GRID1: variants seen among roughly 807,000 people sequenced by gnomAD.
The protein encoded by GRID1 is glutamate receptor ionotropic, delta-1.
In GRID1, 28 loss-of-function variants were observed where a neutral mutation model predicts 98.0. That is an observed-to-expected ratio of 0.29 (90% CI 0.21 to 0.39). GRID1 has a LOEUF of 0.39. GRID1 is among the 10% of genes least tolerant of loss of function. The pLI is 1.00. For missense variants in GRID1, 1,111 were observed against 1,340.5 expected (o/e 0.83, Z 2.67); for synonymous variants, 553 against 538.5 (o/e 1.03, Z -0.37).
intron 8 of GRID1, among the ~76,000 whole-genome samples, chr10:85,839,963 A>G (rs1842946974): frequency 6.6e-6 from 1 of 152,178 alleles, no homozygotes; most frequent in Non-Finnish European, 1.5e-5. Context: ...ACCATCAGAG[A>G]ATATTATGAA....
intron 2 of GRID1, among the ~76,000 whole-genome samples, chr10:86,257,096 G>A (rs191349755): frequency 1.3e-5 from 2 of 152,188 alleles, no homozygotes; most frequent in South Asian, 2.1e-4. Flanking sequence ...TTTGGAATAC[G>A]TGATCTGTTT....
At position 85,856,024 on chromosome 10, in the gene GRID1, C is replaced by T. The variant is rs769713722; in HGVS notation, c.1113+5G>A. 8.7e-6 allele frequency: 14 copies of T among 1,613,080 alleles called. No homozygotes were observed. Among genetic ancestry groups the T allele is most frequent in the East Asian group, 2.2e-5 (1 of 44,884 alleles). On this transcript the variant is annotated splice_donor_5th_base_variant and intron_variant, in intron 7 of 15. Coordinates refer to ENST00000327946, the MANE Select transcript of GRID1 (RefSeq NM_017551.3). ...GCCAGGTTGGGGGTGCCCCCTCACA[C>T]GTACCTTTTTGATGGTATCCAGCAT...
chr10:85,765,647 T>C (rs1230511793), intron 8 of GRID1, among the ~76,000 whole-genome samples: 1 of 152,206 alleles, frequency 6.6e-6, no homozygotes, highest in Non-Finnish European at 1.5e-5. Context: ...ATGAATCTCA[T>C]GTTTAGACTT....
chr10:86,103,704 GT>G (rs1328555814), intron 4 of GRID1, among the ~76,000 whole-genome samples: 1 of 152,222 alleles, frequency 6.6e-6, no homozygotes, highest in Non-Finnish European at 1.5e-5. Flanking sequence ...GTTTGCCACA[GT>G]GGGGGGCCCT....
At chr10:85,720,604 T>C (rs1841689131) in intron 12 of GRID1, among the ~76,000 whole-genome samples, 1 of 148,636 alleles carries the variant, frequency 6.7e-6, no homozygotes, top group Non-Finnish European at 1.5e-5. Flanking sequence ...ATTAAAGCTA[T>C]TGGGCATCCA....
At position 86,248,456 on chromosome 10, in the gene GRID1, A is replaced by C. The variant is rs12220457; in HGVS notation, c.236-41808T>G. Among the ~76,000 whole-genome samples the C allele has an allele frequency of 1.8e-4, 27 of 152,332 alleles. No homozygotes were observed. The East Asian group carries it at 4.2e-3, about 24-fold the overall frequency. On this transcript the variant is annotated intron_variant, in intron 2 of 15. Transcript: ENST00000327946. ...ACAAAAAATAACTATGAGCTTCAGAATCAGCAGACTTGAAAGTTTTCTTTC... is the reference window on the plus strand; with the variant it reads ...ACAAAAAATAACTATGAGCTTCAGACTCAGCAGACTTGAAAGTTTTCTTTC...
intron 12 of GRID1, among the ~76,000 whole-genome samples, chr10:85,688,160 C>T (rs564412413): frequency 1.3e-4 from 20 of 152,244 alleles, no homozygotes; most frequent in African/African-American, 4.8e-4. Context: ...AGAAAGGAGA[C>T]AACTTGTGAT....
chr10:85,646,198 T>C (rs1468225156), intron 13 of GRID1: 1 of 153,086 alleles, frequency 6.5e-6, no homozygotes, highest in East Asian at 1.9e-4. Flanking sequence ...GGTGGCAGGA[T>C]GGGTCTGGGA....
chr10:86,014,373 A>T (rs1842956050), intron 4 of GRID1, among the ~76,000 whole-genome samples: 1 of 152,262 alleles, frequency 6.6e-6, no homozygotes, highest in Non-Finnish European at 1.5e-5. Context: ...ATTAATGCAT[A>T]GGCTGAGCCA....
At chr10:86,040,938 A>C (rs551249877) in intron 4 of GRID1, among the ~76,000 whole-genome samples, 3 of 152,168 alleles carry the variant, frequency 2.0e-5, no homozygotes, top group Admixed American at 6.5e-5. Context: ...TCAGCAGCCC[A>C]AGGTGGGGCT....
Position 85,634,249 on chromosome 10 carries a change from C to CCTCTCTCTCTCTCTCTCTCTCTCT in GRID1, c.2193+12929_2193+12952dup, listed in dbSNP as rs775506130. ...ATTCCTGCACAGCCCTGATGGGGCA[C>CCTCTCTCTCTCTCTCTCTCTCTCT]CTCTCTCTCTCTCTCTCTCTCTCTC... On this transcript the variant is annotated intron_variant, in intron 13 of 15. Transcript: ENST00000327946. Among the ~76,000 whole-genome samples, 260 of 92,318 alleles carry CCTCTCTCTCTCTCTCTCTCTCTCT rather than the reference C, an allele frequency of 2.8e-3. 5 individuals are homozygous for CCTCTCTCTCTCTCTCTCTCTCTCT. Among genetic ancestry groups the CCTCTCTCTCTCTCTCTCTCTCTCT allele is most frequent in the Middle Eastern group, 7.9e-3 (1 of 126 alleles). The allele number at this position is 92,318 out of a possible 152,430, so 60.6% of individuals were successfully genotyped here. A position where few individuals can be genotyped will look rare whatever the true frequency, so the allele number is the denominator to read the frequency against.
intron 2 of GRID1, among the ~76,000 whole-genome samples, chr10:86,334,793 A>G (rs1360756959): frequency 6.6e-6 from 1 of 152,132 alleles, no homozygotes; most frequent in African/African-American, 2.4e-5. Flanking sequence ...GAGGCTGAGG[A>G]TGTGGCCGGG....
At chr10:85,848,553 G>C (rs1843028009) in intron 8 of GRID1, among the ~76,000 whole-genome samples, 1 of 152,088 alleles carries the variant, frequency 6.6e-6, no homozygotes, top group Non-Finnish European at 1.5e-5. Context: ...TTACAATAAA[G>C]AGCAATTTGA....
chr10:85,659,790 T>C (rs2132568059), intron 12 of GRID1, among the ~76,000 whole-genome samples: 2 of 152,338 alleles, frequency 1.3e-5, no homozygotes, highest in Middle Eastern at 3.4e-3. Context: ...CTCTGTGCCA[T>C]GTGCTGTTAC....
chr10:85,957,415 G>C (rs904518207), intron 4 of GRID1, among the ~76,000 whole-genome samples: 5 of 152,138 alleles, frequency 3.3e-5, no homozygotes, highest in African/African-American at 4.8e-5. Context: ...CCACGAGAAA[G>C]CATTTAAGTG....
intron 12 of GRID1, among the ~76,000 whole-genome samples, chr10:85,692,614 C>T: frequency 6.7e-6 from 1 of 150,064 alleles, no homozygotes; most frequent in East Asian, 2.0e-4. Flanking sequence ...TTGCAGTGAG[C>T]CAAGATTGTG....
chr10:85,919,153 T>A (rs1230904555), intron 4 of GRID1, among the ~76,000 whole-genome samples: 2 of 152,228 alleles, frequency 1.3e-5, no homozygotes, highest in Non-Finnish European at 2.9e-5. Flanking sequence ...CTGCTTGTCC[T>A]GGAAGAAGCC....
At chr10:86,141,818 G>A (rs554012892) in intron 3 of GRID1, among the ~76,000 whole-genome samples, 1 of 152,316 alleles carries the variant, frequency 6.6e-6, no homozygotes, top group African/African-American at 2.4e-5. Context: ...GCCTGGTACT[G>A]CCTGGAGAAA....
intron 4 of GRID1, among the ~76,000 whole-genome samples, chr10:85,980,739 C>T (rs1842534974): frequency 6.6e-6 from 1 of 152,170 alleles, no homozygotes; most frequent in Non-Finnish European, 1.5e-5. Context: ...GTGTCTCCTA[C>T]ATGCATTGTA....
Sources: allele counts gnomAD v4.1 joint callset (sites outside exome capture counted in the v4.1 genomes callset), GRCh38; gene constraint gnomAD v4.1.1; transcripts MANE v1.5; gene names NCBI Gene and HGNC (gene_info 2026-07-23, HGNC 2026-07-21).